Variants in CIB1 observed in about 807,000 individuals in gnomAD.
CIB1 encodes calcium and integrin-binding protein 1.
A neutral mutation model predicts 25.0 loss-of-function variants in CIB1; 19 were observed. That is an observed-to-expected ratio of 0.76 (90% CI 0.53 to 1.12). CIB1 has a LOEUF of 1.12. Ranked by LOEUF, CIB1 falls within the 50% of genes most tolerant of loss-of-function variation. CIB1 has a pLI of 0.00. For synonymous variants in CIB1, 104 were observed against 98.5 expected (o/e 1.06, Z -0.33); for missense variants, 236 against 242.6 (o/e 0.97, Z 0.18).
At chr15:90,230,555 A>T in intron 6 of CIB1, 50 bp from the exon 7 acceptor site, 1 of 1,545,572 alleles carries the variant, frequency 6.5e-7, no homozygotes, top group East Asian at 2.4e-5. Flanking sequence ...GAGGGCAGGG[A>T]CTAAACCCGA....
the CIB1 span, chr15:90,258,118 T>A: frequency 6.2e-7 from 1 of 1,614,148 alleles, no homozygotes; most frequent in South Asian, 1.1e-5. Flanking sequence ...GAGGACATCA[T>A]CATCAAAACC....
chr15:90,265,590 C>G, the CIB1 span: 54 of 1,412,522 alleles, frequency 3.8e-5, no homozygotes, highest in Non-Finnish European at 4.9e-5. Context: ...TTACCCCCAC[C>G]AAGTGAAGCG....
the CIB1 span, chr15:90,257,854 G>A: frequency 2.0e-6 from 2 of 996,136 alleles, no homozygotes; most frequent in East Asian, 2.5e-5. Flanking sequence ...CCTGTCCTGT[G>A]CCTGCACTTT....
At chr15:90,231,248 T>C (rs772448500) in intron 4 of CIB1, 35 bp from the exon 5 acceptor site, 9 of 1,611,850 alleles carry the variant, frequency 5.6e-6, no homozygotes, top group South Asian at 1.1e-5. Flanking sequence ...AAAGACACGG[T>C]TGGGAGGGGC....
At chr15:90,243,679 G>A in the CIB1 span, 1 of 125,394 alleles carries the variant, frequency 8.0e-6, no homozygotes, top group African/African-American at 3.1e-5. Flanking sequence ...TTGACACAGG[G>A]TCACTGTCAC....
the CIB1 span, chr15:90,258,336 A>C: frequency 7.4e-7 from 1 of 1,349,808 alleles, no homozygotes; most frequent in Admixed American, 1.7e-5. Context: ...GACACCTGGG[A>C]CAGGGGTACA....
the CIB1 span, chr15:90,262,768 A>AAG: frequency 2.4e-6 from 3 of 1,257,028 alleles, no homozygotes; most frequent in Non-Finnish European, 2.1e-6. Flanking sequence ...CCCCATGCAC[A>AAG]AGAGAGAGAG....
the CIB1 span, chr15:90,258,562 C>G: frequency 3.5e-5 from 22 of 627,348 alleles, no homozygotes; most frequent in East Asian, 5.7e-4. Flanking sequence ...TTTGCTCTCA[C>G]TGGTCTGTGA....
At chr15:90,234,070 G>T (rs1399819419), upstream of CIB1, 17 of 646,470 alleles carry the variant, frequency 2.6e-5, no homozygotes, top group Non-Finnish European at 4.2e-5. Flanking sequence ...CGAGCTGCCG[G>T]CTCCAAGCGG....
the CIB1 span, among the ~76,000 whole-genome samples, chr15:90,239,554 T>A: frequency 6.6e-6 from 1 of 152,046 alleles, no homozygotes; most frequent in Non-Finnish European, 1.5e-5. Context: ...TATAAAACCA[T>A]CAGATCTCAG....
the CIB1 span, chr15:90,244,365 G>A: frequency 6.6e-6 from 1 of 152,280 alleles, no homozygotes; most frequent in South Asian, 2.1e-4. Context: ...CTGAGTCAAT[G>A]TGGGAAATTT....
At chr15:90,256,585 C>CTTTCTT in the CIB1 span, among the ~76,000 whole-genome samples, 10 of 34,624 alleles carry the variant, frequency 2.9e-4, 1 homozygote, top group Non-Finnish European at 5.6e-4. Context: ...TTCTTTCTTT[C>CTTTCTT]TTTCTTTCTT....
At chr15:90,243,651 T>TG in the CIB1 span, 2 of 86,648 alleles carry the variant, frequency 2.3e-5, no homozygotes, top group Non-Finnish European at 5.6e-5. Flanking sequence ...TTTTTTTTTT[T>TG]TTTTTTTTTT....
chr15:90,265,218 G>A, the CIB1 span: 1 of 1,348,498 alleles, frequency 7.4e-7, no homozygotes, highest in Non-Finnish European at 9.5e-7. Flanking sequence ...TGCTCATCAA[G>A]CCTTAGCCTG....
chr15:90,250,030 T>C, the CIB1 span, among the ~76,000 whole-genome samples: 1 of 151,648 alleles, frequency 6.6e-6, no homozygotes, highest in Non-Finnish European at 1.5e-5. Flanking sequence ...TGATCTCGGC[T>C]CACTGCAACC....
the CIB1 span, among the ~76,000 whole-genome samples, chr15:90,261,208 A>C: frequency 6.6e-6 from 1 of 150,640 alleles, no homozygotes; most frequent in Non-Finnish European, 1.5e-5. Context: ...CCTCCCAAGT[A>C]GCTGGGACTA....
At chr15:90,232,926 T>C (rs2151636053) in intron 2 of CIB1, among the ~76,000 whole-genome samples, 1 of 136,532 alleles carries the variant, frequency 7.3e-6, no homozygotes, top group East Asian at 2.4e-4. Flanking sequence ...CGAGACGCTG[T>C]CTCAAAAAAA....
chr15:90,237,579 C>G (rs374147795), upstream of CIB1, among the ~76,000 whole-genome samples: 15 of 152,050 alleles, frequency 9.9e-5, no homozygotes, highest in African/African-American at 3.6e-4. Context: ...TGTGAGCCAC[C>G]GCACCCAGCC....
chr15:90,233,972 G>C, upstream of CIB1: 3 of 1,381,884 alleles, frequency 2.2e-6, no homozygotes, highest in Non-Finnish European at 2.8e-6. Context: ...TCACTGCCCG[G>C]TCCCCGCGGC....
Sources: allele counts gnomAD v4.1 joint callset (sites outside exome capture counted in the v4.1 genomes callset), GRCh38; gene constraint gnomAD v4.1.1; transcripts MANE v1.5; gene names NCBI Gene and HGNC (gene_info 2026-07-23, HGNC 2026-07-21).